KIRREL3: variants seen among roughly 807,000 people sequenced by gnomAD.
The protein encoded by KIRREL3 is kirre like nephrin family adhesion molecule 3, also known as kin of IRRE-like protein 3.
A neutral mutation model predicts 89.7 loss-of-function variants in KIRREL3; 36 were observed. The ratio of observed to expected loss-of-function variants is 0.40; its 90% CI spans 0.31 to 0.53. The LOEUF (loss-of-function observed/expected upper bound fraction) is 0.53, where lower values mean the gene tolerates loss of function less well. Ranked by LOEUF, KIRREL3 falls within the 20% of genes least tolerant of loss-of-function variation. The pLI, the probability that KIRREL3 is intolerant of heterozygous loss-of-function variation, is 0.49. For missense variants in KIRREL3, 864 were observed against 1,056.6 expected, an observed-to-expected ratio of 0.82 and a Z score of 2.53; for synonymous variants, 445 against 441.4, an observed-to-expected ratio of 1.01 and a Z score of -0.10.
chr11:126,437,077 C>G (rs965532828), intron 11 of KIRREL3, 68 bp from the exon 12 acceptor site: 1 of 1,368,472 alleles, frequency 7.3e-7, no homozygotes, highest in African/African-American at 1.5e-5. Flanking sequence ...ACACCAGAGT[C>G]ACAGTGCCAC....
intron 11 of KIRREL3, among the ~76,000 whole-genome samples, chr11:126,439,028 A>C (rs750446175): frequency 6.6e-6 from 1 of 152,222 alleles, no homozygotes; most frequent in Non-Finnish European, 1.5e-5. Context: ...GTAGTGCTAT[A>C]AAATGCTCAC....
In KIRREL3 at chr11:126,781,166, T is replaced by C. The variant is rs552675635; in HGVS notation, c.56-218254A>G. 5.9e-5 allele frequency among the ~76,000 whole-genome samples: 9 copies of C among 152,300 alleles called. 1 individual carries two copies. Among genetic ancestry groups the C allele is most frequent in the Non-Finnish European group, 7.4e-5 (5 of 68,020 alleles). ...GTCTATGTCTGCAAGACTTTCTAAC[T>C]TGGCTCCTGACCTTTCACTTTAATA... On this transcript the variant is annotated intron_variant, in intron 1 of 16. Coordinates refer to ENST00000525144, the MANE Select transcript of KIRREL3 (RefSeq NM_032531.4).
At chr11:126,582,668 C>T (rs1399348637) in intron 1 of KIRREL3, among the ~76,000 whole-genome samples, 1 of 152,040 alleles carries the variant, frequency 6.6e-6, no homozygotes, top group Non-Finnish European at 1.5e-5. Context: ...GTCTAAAGCC[C>T]CATGAGGATG....
chr11:126,603,730 G>A (rs1003117367), intron 1 of KIRREL3, among the ~76,000 whole-genome samples: 1 of 152,270 alleles, frequency 6.6e-6, no homozygotes, highest in Admixed American at 6.5e-5. Flanking sequence ...CATATCCTGG[G>A]CAGGTGTGCT....
rs1268379380 is a variant in KIRREL3 at position 126,601,903 on chromosome 11, G to A, written c.56-38991C>T. ...GCATACGGGACAGCATGAGTTTTAG[G>A]AGACAAGGGGTCCTGTGTGTGTTTG... On this transcript the variant is annotated intron_variant, in intron 1 of 16. Transcript: ENST00000525144. This position sits in a 1 kb window ranked among gnomAD's most constrained non-coding sequence, Gnocchi z 5.8. Among the ~76,000 whole-genome samples, 1 of 152,174 alleles carries A rather than the reference G, an allele frequency of 6.6e-6. No homozygotes were observed. The highest frequency in any genetic ancestry group is 2.4e-5 in the African/African-American group (1 of 41,438).
rs1358585394 is a variant in KIRREL3, at chr11:126,544,538, G to A, written c.134-17851C>T. On this transcript the variant is annotated intron_variant, in intron 2 of 16. Coordinates refer to ENST00000525144, the MANE Select transcript of KIRREL3 (RefSeq NM_032531.4). The surrounding 1 kb of genome is among the most constrained non-coding windows in gnomAD (Gnocchi z 5.6). ...CTGGGACTGGGGGTGGGACTGCCCG[G>A]GGCTACCTGGGGCTATGGAAGGGAC... 6.6e-6 allele frequency among the ~76,000 whole-genome samples: 1 copy of A among 152,140 alleles called. No homozygotes were observed. Among genetic ancestry groups the A allele is most frequent in the African/African-American group, 2.4e-5 (1 of 41,418 alleles).
rs59342253 is a variant in KIRREL3, at chr11:126,678,599, CAAAAAAAAAA to C, written c.56-115697_56-115688del. ...TGGGCGATAGAGCAAGACTCTGTCT[CAAAAAAAAAA>C]AAAAAAAAAAAAAAAAAGAAGTGGA... On this transcript the variant is annotated intron_variant, in intron 1 of 16. Coordinates refer to ENST00000525144, the MANE Select transcript of KIRREL3 (RefSeq NM_032531.4). 1.8e-4 allele frequency among the ~76,000 whole-genome samples: 9 copies of C among 50,046 alleles called. No homozygotes were observed. The East Asian group carries it at 1.9e-3, about 11-fold the overall frequency. 32.8% of individuals were successfully genotyped at this position (50,046 alleles called of 152,430 possible).
intron 1 of KIRREL3, among the ~76,000 whole-genome samples, chr11:126,899,125 A>G (rs1946275413): frequency 6.6e-6 from 1 of 152,148 alleles, no homozygotes; most frequent in Admixed American, 6.5e-5. Flanking sequence ...AAGGATGGGA[A>G]AAAACCCAGG....
intron 1 of KIRREL3, among the ~76,000 whole-genome samples, chr11:126,874,646 G>T (rs1945212575): frequency 6.6e-6 from 1 of 152,198 alleles, no homozygotes; most frequent in South Asian, 2.1e-4. Flanking sequence ...ATGGGCCTGG[G>T]CATTATTTTC....
chr11:126,845,874 A>G (rs1387759772), intron 1 of KIRREL3, among the ~76,000 whole-genome samples: 1 of 152,200 alleles, frequency 6.6e-6, no homozygotes, highest in Non-Finnish European at 1.5e-5. Flanking sequence ...AAAAGCAGAT[A>G]TTCAGGCTCC....
In KIRREL3 at chr11:126,814,492, A is replaced by G. The variant is rs1245525368; in HGVS notation, c.55+185963T>C. On this transcript the variant is annotated intron_variant, in intron 1 of 16. Transcript: ENST00000525144. This position sits in a 1 kb window ranked among gnomAD's most constrained non-coding sequence, Gnocchi z 4.4. ...ACATATGTTCATTGCAGCATTATTC[A>G]CAATAGCAAAGACATGGAATCTACC... Among the ~76,000 whole-genome samples, 1 of 152,240 alleles carries G rather than the reference A, an allele frequency of 6.6e-6. No homozygotes were observed. Among genetic ancestry groups the G allele is most frequent in the East Asian group, 1.9e-4 (1 of 5,198 alleles).
chr11:126,655,602 G>A lies in KIRREL3; in HGVS notation c.56-92690C>T, dbSNP rs1246481163. On this transcript the variant is annotated intron_variant, in intron 1 of 16. Coordinates refer to ENST00000525144, the MANE Select transcript of KIRREL3 (RefSeq NM_032531.4). This position sits in a 1 kb window ranked among gnomAD's most constrained non-coding sequence, Gnocchi z 5.0. ...GGGGACTGGAACCACTTTGCAAAGA[G>A]CGCAGATCTGCAGTTTTCACAACGC... 6.6e-6 allele frequency among the ~76,000 whole-genome samples: 1 copy of A among 152,208 alleles called. No homozygotes were observed. Among genetic ancestry groups the A allele is most frequent in the Non-Finnish European group, 1.5e-5 (1 of 68,030 alleles).
chr11:126,473,760 G>C (rs909813437), intron 4 of KIRREL3, among the ~76,000 whole-genome samples: 7 of 152,140 alleles, frequency 4.6e-5, no homozygotes, highest in African/African-American at 1.7e-4. Flanking sequence ...CAGAAGCAGA[G>C]CTCTGTGGCC....
chr11:126,744,761 T>C lies in KIRREL3; in HGVS notation c.56-181849A>G, dbSNP rs942442058. Among the ~76,000 whole-genome samples the C allele has an allele frequency of 6.6e-6, 1 of 152,030 alleles. No homozygotes were observed. Among genetic ancestry groups the C allele is most frequent in the Non-Finnish European group, 1.5e-5 (1 of 67,996 alleles). ...TATAATGCTCATGCCAATGTCAATGTTTTGAATGCTGCCTTCCCTGCTAGA... is the reference window on the plus strand; with the variant it reads ...TATAATGCTCATGCCAATGTCAATGCTTTGAATGCTGCCTTCCCTGCTAGA... On this transcript the variant is annotated intron_variant, in intron 1 of 16. Coordinates refer to ENST00000525144, the MANE Select transcript of KIRREL3 (RefSeq NM_032531.4). This position sits in a 1 kb window ranked among gnomAD's most constrained non-coding sequence, Gnocchi z 4.7.
At position 126,724,988 on chromosome 11, in the gene KIRREL3, C is replaced by G. The variant is rs1948322390; in HGVS notation, c.56-162076G>C. ...TATTTCTGTTCTTCAGATGAAGAGA[C>G]AGAGGTTCAGAGAGGTGAGGGGTTT... On this transcript the variant is annotated intron_variant, in intron 1 of 16. Coordinates refer to ENST00000525144, the MANE Select transcript of KIRREL3 (RefSeq NM_032531.4). The surrounding 1 kb of genome is among the most constrained non-coding windows in gnomAD (Gnocchi z 4.3). 1.3e-5 allele frequency among the ~76,000 whole-genome samples: 2 copies of G among 152,148 alleles called. No individual in the cohort carries two copies. Among genetic ancestry groups the G allele is most frequent in the South Asian group, 4.1e-4 (2 of 4,828 alleles).
intron 4 of KIRREL3, among the ~76,000 whole-genome samples, chr11:126,482,980 C>G (rs1957262277): frequency 6.6e-6 from 1 of 152,240 alleles, no homozygotes; most frequent in African/African-American, 2.4e-5. Flanking sequence ...GATATCGCAT[C>G]TTAGAAGTTG....
At chr11:126,457,273 G>GTA (rs1313159786) in intron 6 of KIRREL3, among the ~76,000 whole-genome samples, 11 of 149,530 alleles carry the variant, frequency 7.4e-5, no homozygotes, top group African/African-American at 2.7e-4. Flanking sequence ...GCATGTGTGT[G>GTA]TATGCATATG....
chr11:126,478,471 T>C (rs985500298), intron 4 of KIRREL3, among the ~76,000 whole-genome samples: 4 of 152,178 alleles, frequency 2.6e-5, no homozygotes, highest in African/African-American at 4.8e-5. Flanking sequence ...ACGGTTATCA[T>C]GGGCTTTGGC....
In KIRREL3 at chr11:126,555,586, C is replaced by G. The variant is rs1173487405; in HGVS notation, c.133+7249G>C. 5.3e-5 allele frequency among the ~76,000 whole-genome samples: 8 copies of G among 152,006 alleles called. No homozygotes were observed. In the East Asian group the frequency reaches 1.5e-3, roughly 29 times the overall value. ...TGGCAAGCAGGGTAGACACAGGGAG[C>G]AGGGTAGACACAGGCCCTATGACAG... is the stretch of plus-strand genomic sequence containing the variant. On this transcript the variant is annotated intron_variant, in intron 2 of 16. Transcript: ENST00000525144. The surrounding 1 kb of genome is among the most constrained non-coding windows in gnomAD (Gnocchi z 4.2).
Sources: allele counts gnomAD v4.1 joint callset (sites outside exome capture counted in the v4.1 genomes callset), GRCh38; gene constraint gnomAD v4.1.1; non-coding constraint Gnocchi (gnomAD v3.1); transcripts MANE v1.5; gene names NCBI Gene and HGNC (gene_info 2026-07-23, HGNC 2026-07-21).